Variants in DNMBP observed in about 807,000 individuals in gnomAD.
DNMBP encodes dynamin binding protein.
In DNMBP, 87 loss-of-function variants were observed where a neutral mutation model predicts 150.0. The observed-to-expected ratio is 0.58, with a 90% CI of 0.49 to 0.69. The LOEUF (loss-of-function observed/expected upper bound fraction) is 0.69, where lower values mean the gene tolerates loss of function less well. Among genes scored for constraint, DNMBP ranks in the 30% least tolerant of loss-of-function variants. The pLI is 0.00. For missense variants in DNMBP, 1,774 were observed against 1,949.0 expected (o/e 0.91, Z 1.69); for synonymous variants, 711 against 750.4 (o/e 0.95, Z 0.86).
chr10:99,977,619 C>T (rs1223902744), intron 1 of DNMBP, among the ~76,000 whole-genome samples: 1 of 152,090 alleles, frequency 6.6e-6, no homozygotes, highest in Non-Finnish European at 1.5e-5. Context: ...TTCTTCAAAC[C>T]CTTTTAGAAT....
intron 4 of DNMBP, among the ~76,000 whole-genome samples, chr10:99,920,276 T>C (rs372025006): frequency 7.2e-5 from 11 of 152,234 alleles, no homozygotes; most frequent in Admixed American, 5.9e-4. Flanking sequence ...GGTTTCTCCA[T>C]GTTGGTCACA....
intron 3 of DNMBP, among the ~76,000 whole-genome samples, chr10:99,967,015 T>G (rs936934466): frequency 6.6e-6 from 1 of 151,194 alleles, no homozygotes; most frequent in Non-Finnish European, 1.5e-5. Context: ...CAGGCTGATC[T>G]CAAACTCTTG....
intron 8 of DNMBP, chr10:99,898,496 C>T: frequency 1.5e-6 from 1 of 674,064 alleles, no homozygotes; most frequent in South Asian, 1.7e-5. Flanking sequence ...TAATAAACAC[C>T]AGGTACTGTT....
rs200336562 is a variant in DNMBP at position 99,956,954 on chromosome 10, T to C, written c.520A>G (p.Ile174Val). Residue 174 changes from isoleucine to valine, a missense_variant, in exon 4 of 17, where the codon ATT becomes GTT. Transcript: ENST00000324109. ...LDFREGDVIT[I>V]IGVPEPGWFE... ...CAGCCTGGTTCAGGAACTCCAATAA[T>C]GGTGATCACATCCCCTTCCCTGAAG... 57 of 1,614,046 alleles carry C rather than the reference T, an allele frequency of 3.5e-5. No homozygotes were observed. Among genetic ancestry groups the C allele is most frequent in the Non-Finnish European group, 4.2e-5 (50 of 1,180,032 alleles).
At chr10:99,922,543 A>G (rs7077577) in intron 4 of DNMBP, among the ~76,000 whole-genome samples, 52,876 of 108,194 alleles carry the variant, frequency 0.49, 11,816 homozygotes, top group South Asian at 0.51. Context: ...AAAAAAAAAG[A>G]TCTCACTCTC....
At chr10:99,913,610 T>G (rs2039927926) in intron 4 of DNMBP, among the ~76,000 whole-genome samples, 1 of 152,152 alleles carries the variant, frequency 6.6e-6, no homozygotes, top group Non-Finnish European at 1.5e-5. Flanking sequence ...CAATTAGTTG[T>G]GGGGTTCCTT....
chr10:99,940,636 C>A (rs551332671), intron 4 of DNMBP, among the ~76,000 whole-genome samples: 1 of 152,208 alleles, frequency 6.6e-6, no homozygotes, highest in Admixed American at 6.5e-5. Flanking sequence ...CTCAATCCAA[C>A]GTCCCCTGCT....
rs187920672 is a variant in DNMBP, at chr10:99,975,489, C to G, written c.-10-3355G>C. 2.0e-3 allele frequency among the ~76,000 whole-genome samples: 309 copies of G among 152,126 alleles called. 1 individual carries two copies. Among genetic ancestry groups the G allele is most frequent in the Non-Finnish European group, 3.3e-3 (224 of 67,998 alleles). On this transcript the variant is annotated intron_variant, in intron 1 of 16. Coordinates refer to ENST00000324109, the MANE Select transcript of DNMBP (RefSeq NM_015221.4). ...ATAAATCATGCTACACAAACATTAC[C>G]TATTTAATTTGTACTGTCAAGCAAA...
chr10:99,914,202 C>A, intron 4 of DNMBP: 1 of 1,022,010 alleles, frequency 9.8e-7, no homozygotes, highest in Non-Finnish European at 1.3e-6. Context: ...ACCAGCGGGC[C>A]CAGCAGTACC....
rs190911237 is a variant in DNMBP, at chr10:99,958,234, T to C, written c.269-1029A>G. On this transcript the variant is annotated intron_variant, in intron 3 of 16. Coordinates refer to ENST00000324109, the MANE Select transcript of DNMBP (RefSeq NM_015221.4). ...ATGGTCATCGTATTCTTCACAACCA[T>C]GTACTCACAGTTTTTAAAAAAGCCA... 8.5e-5 allele frequency: 13 copies of C among 152,346 alleles called. No individual in the cohort carries two copies. The East Asian group carries it at 1.7e-3, about 20-fold the overall frequency. 9.4% of individuals were successfully genotyped at this position (152,346 alleles called of 1,614,324 possible). A position where few individuals can be genotyped will look rare whatever the true frequency, so the allele number is the denominator to read the frequency against.
chr10:99,950,338 G>A (rs900849839), intron 4 of DNMBP, among the ~76,000 whole-genome samples: 1 of 152,162 alleles, frequency 6.6e-6, no homozygotes, highest in Non-Finnish European at 1.5e-5. Context: ...TTTATCAGCA[G>A]TGTGAACATG....
chr10:99,886,015 G>C, intron 13 of DNMBP, 149 bp from the exon 14 acceptor site: 4 of 883,736 alleles, frequency 4.5e-6, no homozygotes, highest in Non-Finnish European at 6.7e-6. Context: ...CTCATTCTCT[G>C]AGCTACCGAC....
intron 8 of DNMBP, among the ~76,000 whole-genome samples, 188 bp downstream of exon 8, chr10:99,898,555 G>A (rs1038484429): frequency 1.3e-5 from 2 of 152,166 alleles, no homozygotes; most frequent in African/African-American, 4.8e-5. Context: ...TGTCCTGGTA[G>A]GAGAAGATAG....
At chr10:99,999,500 C>T (rs1426204695) in intron 1 of DNMBP, among the ~76,000 whole-genome samples, 1 of 152,132 alleles carries the variant, frequency 6.6e-6, no homozygotes, top group Non-Finnish European at 1.5e-5. Context: ...CCACCTTATC[C>T]GCGGTTTCAC....
At chr10:99,900,620 G>A (rs2039725365) in intron 6 of DNMBP, among the ~76,000 whole-genome samples, 1 of 150,550 alleles carries the variant, frequency 6.6e-6, no homozygotes, top group African/African-American at 2.4e-5. Context: ...ACCCCATAAG[G>A]AGGACCCCCT....
In DNMBP at chr10:99,876,995, G is replaced by A. The variant is rs1422787998; in HGVS notation, c.*156C>T. The A allele has an allele frequency of 5.2e-6, 3 of 581,216 alleles. No homozygotes were observed. The highest frequency in any genetic ancestry group is 3.7e-5 in the Admixed American group (1 of 27,192). 36.0% of individuals were successfully genotyped at this position (581,216 alleles called of 1,614,324 possible). ...GAGCATCAAGGTTTACAACCCAATC[G>A]AGGAGAACAAGATCTGTGGTGTGCT... On this transcript the variant is annotated 3_prime_UTR_variant, in exon 17 of 17. Transcript: ENST00000324109.
intron 9 of DNMBP, among the ~76,000 whole-genome samples, chr10:99,897,426 G>T (rs763266946): frequency 6.6e-6 from 1 of 152,106 alleles, no homozygotes; most frequent in African/African-American, 2.4e-5. Context: ...CATCCAATTA[G>T]ACACTTAGAA....
chr10:99,925,540 G>A (rs1396786032), intron 4 of DNMBP, among the ~76,000 whole-genome samples: 5 of 151,850 alleles, frequency 3.3e-5, no homozygotes, highest in Non-Finnish European at 5.9e-5. Flanking sequence ...CTCAGCCTCC[G>A]GAGTAGCTGG....
intron 4 of DNMBP, among the ~76,000 whole-genome samples, chr10:99,951,432 C>A (rs2040421540): frequency 1.3e-5 from 2 of 152,212 alleles, no homozygotes; most frequent in Admixed American, 6.5e-5. Context: ...GATCCACCAA[C>A]AGCTTGCACC....
Sources: gnomAD v4.1 joint callset for allele counts (sites outside exome capture counted in the v4.1 genomes callset) on GRCh38, gnomAD v4.1.1 for gene constraint, MANE v1.5 for transcripts, NCBI Gene and HGNC (gene_info 2026-07-23, HGNC 2026-07-21) for gene names.